The following CDH13 variants were observed in gnomAD, a reference collection of about 807,000 sequenced individuals.
The protein encoded by CDH13 is cadherin 13.
Under a neutral mutation model 63.8 loss-of-function variants are expected in CDH13, and 24 were observed. The observed-to-expected ratio is 0.38, with a 90% CI of 0.27 to 0.53. The LOEUF is 0.53. Ranked by LOEUF, CDH13 falls within the 20% of genes least tolerant of loss-of-function variation. The pLI is 0.85. For synonymous variants in CDH13, 503 were observed against 355.3 expected, an observed-to-expected ratio of 1.42 and a Z score of -4.67; for missense variants, 1,049 against 903.1, an observed-to-expected ratio of 1.16 and a Z score of -2.07.
rs142701627 is a variant in CDH13, at chr16:82,868,272, G to A, written c.157+9799G>A. Among the ~76,000 whole-genome samples the A allele has an allele frequency of 4.1e-3, 629 of 152,238 alleles. 5 individuals carry two copies. Among genetic ancestry groups the A allele is most frequent in the African/African-American group, 0.014 (594 of 41,540 alleles). On this transcript the variant is annotated intron_variant, in intron 2 of 13. Coordinates refer to ENST00000567109, the MANE Select transcript of CDH13 (RefSeq NM_001257.5). ...TGGACTCCTATTTACATTAATAAGA[G>A]TTTTTCCTATATTTAAACAGAGCTC...
Position 83,601,541 on chromosome 16 carries a change from A to G in CDH13, c.961-913A>G, listed in dbSNP as rs559931425. 2.6e-5 allele frequency among the ~76,000 whole-genome samples: 4 copies of G among 152,352 alleles called. No homozygotes were observed. The East Asian group carries it at 7.7e-4, about 29-fold the overall frequency. ...AAAAAAGACATGAAAGAAGTGTGGT[A>G]TAAGTGACTCTAAACTTCAGTGGGG... On this transcript the variant is annotated intron_variant, in intron 7 of 13. Coordinates refer to ENST00000567109, the MANE Select transcript of CDH13 (RefSeq NM_001257.5).
intron 13 of CDH13, among the ~76,000 whole-genome samples, chr16:83,790,989 G>C (rs983690466): frequency 1.3e-5 from 2 of 152,168 alleles, no homozygotes; most frequent in Admixed American, 1.3e-4. Flanking sequence ...TGGAGGGTAA[G>C]ATGTAGACAA....
At chr16:83,323,239 TTTCC>T (rs35173201) in intron 5 of CDH13, among the ~76,000 whole-genome samples, 5 of 110,858 alleles carry the variant, frequency 4.5e-5, no homozygotes, top group Non-Finnish European at 7.4e-5. Context: ...TCTTTCTTTC[TTTCC>T]TTCCTTCCTT....
intron 1 of CDH13, among the ~76,000 whole-genome samples, chr16:82,672,802 T>C (rs7186819): frequency 0.1 from 8,654 of 85,348 alleles, 293 homozygotes; most frequent in Middle Eastern, 0.25. Flanking sequence ...CACACACACA[T>C]ACACACACAC....
intron 2 of CDH13, among the ~76,000 whole-genome samples, chr16:82,920,312 G>A (rs1004492408): frequency 2.6e-5 from 4 of 152,114 alleles, no homozygotes; most frequent in Non-Finnish European, 5.9e-5. Context: ...AAAGGTAGTT[G>A]CCAGCAGCTC....
chr16:83,342,401 C>G (rs180816788), intron 5 of CDH13, among the ~76,000 whole-genome samples: 4 of 152,310 alleles, frequency 2.6e-5, no homozygotes, highest in Non-Finnish European at 1.5e-5. Flanking sequence ...AGTGAGTCCT[C>G]AAATAATTTT....
chr16:83,709,958 G>C (rs567196108), intron 10 of CDH13, among the ~76,000 whole-genome samples: 1 of 147,934 alleles, frequency 6.8e-6, no homozygotes, highest in Admixed American at 6.9e-5. Context: ...CAGAGTCTTG[G>C]ATTTCTCCAA....
intron 1 of CDH13, among the ~76,000 whole-genome samples, chr16:82,742,038 A>G (rs1041953218): frequency 2.1e-4 from 32 of 152,198 alleles, no homozygotes; most frequent in African/African-American, 6.5e-4. Flanking sequence ...ATTTCTTACA[A>G]TATCAGCCCG....
chr16:83,099,409 C>T (rs185540667), intron 3 of CDH13, among the ~76,000 whole-genome samples: 125 of 151,848 alleles, frequency 8.2e-4, no homozygotes, highest in Middle Eastern at 6.8e-3. Flanking sequence ...TTGCAGCCTC[C>T]GCCTCCTGGG....
At chr16:82,816,539 G>A (rs1362184367) in intron 1 of CDH13, among the ~76,000 whole-genome samples, 1 of 152,054 alleles carries the variant, frequency 6.6e-6, no homozygotes, top group Admixed American at 6.6e-5. Context: ...ATCAACATTT[G>A]AGCTAAGTCT....
intron 3 of CDH13, among the ~76,000 whole-genome samples, chr16:83,117,574 C>T (rs1476548749): frequency 6.6e-6 from 1 of 151,958 alleles, no homozygotes; most frequent in Non-Finnish European, 1.5e-5. Context: ...TTCATGAGGG[C>T]ACTTGCTTCT....
intron 1 of CDH13, among the ~76,000 whole-genome samples, chr16:82,808,938 G>A (rs902784872): frequency 1.3e-5 from 2 of 152,076 alleles, no homozygotes; most frequent in African/African-American, 4.8e-5. Flanking sequence ...ACACATAAGA[G>A]TATATTTTTT....
chr16:83,246,395 T>A (rs1904996000), intron 5 of CDH13, among the ~76,000 whole-genome samples: 1 of 152,136 alleles, frequency 6.6e-6, no homozygotes, highest in Admixed American at 6.5e-5. Flanking sequence ...AAGATCACAT[T>A]CCTAATCTTC....
At chr16:83,147,328 C>T (rs1346461989) in intron 4 of CDH13, among the ~76,000 whole-genome samples, 2 of 152,178 alleles carry the variant, frequency 1.3e-5, no homozygotes, top group Admixed American at 6.5e-5. Flanking sequence ...TTGATTCTTG[C>T]AGTCCTCTTC....
intron 4 of CDH13, 122 bp downstream of exon 4, chr16:83,125,623 C>A (rs773782669): frequency 7.2e-6 from 4 of 558,158 alleles, no homozygotes; most frequent in Non-Finnish European, 1.3e-5. Context: ...TGATAAGAGA[C>A]CAAATGGTTT....
At chr16:83,360,512 G>T (rs751561989) in intron 6 of CDH13, among the ~76,000 whole-genome samples, 3 of 150,782 alleles carry the variant, frequency 2.0e-5, no homozygotes, top group Non-Finnish European at 4.4e-5. Flanking sequence ...CAGGCTTATT[G>T]TATGGATATA....
intron 10 of CDH13, among the ~76,000 whole-genome samples, chr16:83,747,288 G>A (rs540352769): frequency 1.8e-4 from 27 of 152,260 alleles, no homozygotes; most frequent in South Asian, 1.2e-3. Context: ...GGAGGTAATC[G>A]AATCATAGGG....
chr16:83,494,405 T>C (rs1447282822), intron 7 of CDH13, among the ~76,000 whole-genome samples: 1 of 152,232 alleles, frequency 6.6e-6, no homozygotes, highest in African/African-American at 2.4e-5. Context: ...ATAACATTGT[T>C]CTAAACCCCA....
At chr16:83,515,654 C>T (rs961645591) in intron 7 of CDH13, among the ~76,000 whole-genome samples, 1 of 152,134 alleles carries the variant, frequency 6.6e-6, no homozygotes, top group Non-Finnish European at 1.5e-5. Flanking sequence ...TTCTAGATGT[C>T]ACAACAGAGA....
Sources: gnomAD v4.1 joint callset for allele counts (sites outside exome capture counted in the v4.1 genomes callset) on GRCh38, gnomAD v4.1.1 for gene constraint, MANE v1.5 for transcripts, NCBI Gene and HGNC (gene_info 2026-07-23, HGNC 2026-07-21) for gene names.